Variants in INTS4 observed in about 807,000 individuals in gnomAD.
The protein encoded by INTS4 is integrator complex subunit 4, also known as MSTP093.
Under a neutral mutation model 119.5 loss-of-function variants are expected in INTS4, and 70 were observed. The ratio of observed to expected loss-of-function variants is 0.59; its 90% CI spans 0.48 to 0.71. The LOEUF is 0.71. Ranked by LOEUF, INTS4 falls within the 30% of genes least tolerant of loss-of-function variation. INTS4 has a pLI of 0.00. For synonymous variants in INTS4, 316 were observed against 419.6 expected, an observed-to-expected ratio of 0.75 and a Z score of 3.02; for missense variants, 867 against 1,173.2, an observed-to-expected ratio of 0.74 and a Z score of 3.81.
At chr11:77,988,540 G>A (rs1323390191) in intron 2 of INTS4, among the ~76,000 whole-genome samples, 1 of 152,164 alleles carries the variant, frequency 6.6e-6, no homozygotes, top group Non-Finnish European at 1.5e-5. Flanking sequence ...TAATTACTAT[G>A]GAGAAAACAA....
At chr11:77,972,456 G>A (rs927532286) in intron 4 of INTS4, among the ~76,000 whole-genome samples, 1 of 151,024 alleles carries the variant, frequency 6.6e-6, no homozygotes, top group Non-Finnish European at 1.5e-5. Flanking sequence ...TCACTCTGTC[G>A]CCCAGGTTGG....
intron 11 of INTS4, 26 bp downstream of exon 11, chr11:77,928,316 A>T: frequency 6.2e-7 from 1 of 1,611,946 alleles, no homozygotes; most frequent in Non-Finnish European, 8.5e-7. Context: ...GGATGAAGAA[A>T]TGAGTAACAA....
intron 2 of INTS4, among the ~76,000 whole-genome samples, chr11:77,989,916 T>C (rs1054222585): frequency 2.6e-5 from 4 of 151,932 alleles, no homozygotes; most frequent in East Asian, 3.9e-4. Context: ...ATAATAGTAA[T>C]AATAATAATG....
chr11:77,907,855 T>C, intron 15 of INTS4, 45 bp from the exon 16 acceptor site: 2 of 1,197,598 alleles, frequency 1.7e-6, no homozygotes, highest in Non-Finnish European at 2.5e-6. Flanking sequence ...ATAAGGATAA[T>C]GCCACCAACA....
intron 3 of INTS4, among the ~76,000 whole-genome samples, 196 bp from the exon 4 acceptor site, chr11:77,979,298 C>A (rs560812050): frequency 6.6e-6 from 1 of 152,024 alleles, no homozygotes; most frequent in African/African-American, 2.4e-5. Flanking sequence ...TAGGGAGACT[C>A]CGTTTCTACA....
At chr11:77,957,672 T>C (rs1954364722) in intron 7 of INTS4, among the ~76,000 whole-genome samples, 2 of 147,870 alleles carry the variant, frequency 1.4e-5, no homozygotes, top group Admixed American at 1.3e-4. Flanking sequence ...TCTTTTTTTT[T>C]TTTTTTTTTT....
At chr11:77,908,625 C>A (rs1953019686) in intron 15 of INTS4, among the ~76,000 whole-genome samples, 1 of 152,104 alleles carries the variant, frequency 6.6e-6, no homozygotes, top group South Asian at 2.1e-4. Flanking sequence ...CCGCCCCCGG[C>A]CCAAGTAAAT....
At chr11:77,943,679 A>G (rs1380117282) in intron 8 of INTS4, among the ~76,000 whole-genome samples, 1 of 152,226 alleles carries the variant, frequency 6.6e-6, no homozygotes, top group Non-Finnish European at 1.5e-5. Context: ...TACTAGCACT[A>G]CTTAACAACC....
intron 19 of INTS4, among the ~76,000 whole-genome samples, chr11:77,892,671 C>T (rs1450514458): frequency 6.6e-6 from 1 of 152,112 alleles, no homozygotes; most frequent in Non-Finnish European, 1.5e-5. Flanking sequence ...GAACCTCCGC[C>T]TCCCGGGTTC....
chr11:77,957,427 G>T (rs907552145), intron 7 of INTS4, among the ~76,000 whole-genome samples: 98 of 151,738 alleles, frequency 6.5e-4, no homozygotes, highest in African/African-American at 2.3e-3. Flanking sequence ...GTGCGCGACT[G>T]TAATTCCAGC....
At chr11:77,916,052 T>A (rs1167558108) in intron 15 of INTS4, among the ~76,000 whole-genome samples, 1 of 152,230 alleles carries the variant, frequency 6.6e-6, no homozygotes, top group Non-Finnish European at 1.5e-5. Context: ...ATATTCCACC[T>A]AGTCTGTTTC....
intron 4 of INTS4, among the ~76,000 whole-genome samples, chr11:77,964,573 CAAAAAT>C (rs1481268966): frequency 3.3e-5 from 5 of 149,974 alleles, no homozygotes; most frequent in Admixed American, 6.7e-5. Context: ...GACTCTTTCT[CAAAAAT>C]AAAAATAAAA....
At chr11:77,981,039 C>A (rs1591141582) in intron 3 of INTS4, among the ~76,000 whole-genome samples, 1 of 151,542 alleles carries the variant, frequency 6.6e-6, no homozygotes, top group Non-Finnish European at 1.5e-5. Flanking sequence ...TGTTCAGTTA[C>A]AGGTTTCAGT....
Position 77,942,992 on chromosome 11 carries a change from C to T in INTS4, c.919-1741G>A, listed in dbSNP as rs546329150. Among the ~76,000 whole-genome samples, 106 of 152,298 alleles carry T rather than the reference C, an allele frequency of 7.0e-4. 1 individual carries two copies. Among genetic ancestry groups the T allele is most frequent in the Admixed American group, 1.3e-3 (20 of 15,300 alleles). ...ACATAGATCTGAGCCTATGTCATAT[C>T]TAACATCCATTTAAATCCAAACAAC... On this transcript the variant is annotated intron_variant, in intron 8 of 22. Transcript: ENST00000534064.
At chr11:77,943,591 G>A (rs955559545) in intron 8 of INTS4, among the ~76,000 whole-genome samples, 1 of 152,280 alleles carries the variant, frequency 6.6e-6, no homozygotes, top group African/African-American at 2.4e-5. Flanking sequence ...CCTCACCAAT[G>A]AGAGAAAAAG....
downstream of INTS4, among the ~76,000 whole-genome samples, chr11:77,874,996 C>T (rs1349275672): frequency 6.7e-6 from 1 of 150,296 alleles, no homozygotes; most frequent in East Asian, 2.0e-4. Flanking sequence ...GAGGTGAGAT[C>T]GTGCCACTGC....
chr11:77,905,489 G>A (rs1051489748), intron 16 of INTS4, among the ~76,000 whole-genome samples: 5 of 150,548 alleles, frequency 3.3e-5, no homozygotes, highest in South Asian at 2.1e-4. Context: ...ATAGCAAAAC[G>A]GACTCTCTGG....
chr11:77,899,862 T>C (rs1160844319), intron 18 of INTS4, among the ~76,000 whole-genome samples: 1 of 152,074 alleles, frequency 6.6e-6, no homozygotes, highest in Non-Finnish European at 1.5e-5. Context: ...TATGTTTATA[T>C]GGTTTGGGAA....
chr11:77,894,840 A>G (rs558439913), intron 18 of INTS4, among the ~76,000 whole-genome samples: 14 of 152,334 alleles, frequency 9.2e-5, no homozygotes, highest in African/African-American at 2.9e-4. Flanking sequence ...ACTGCACTCA[A>G]TGAAGCCTAC....
Sources: allele counts gnomAD v4.1 joint callset (sites outside exome capture counted in the v4.1 genomes callset), GRCh38; gene constraint gnomAD v4.1.1; transcripts MANE v1.5; gene names NCBI Gene and HGNC (gene_info 2026-07-23, HGNC 2026-07-21).